AOC2: variants seen among roughly 807,000 people sequenced by gnomAD.
The protein encoded by AOC2 is amine oxidase [copper-containing] 2.
Under a neutral mutation model 53.8 loss-of-function variants are expected in AOC2, and 57 were observed. That is an observed-to-expected ratio of 1.06 (90% confidence interval 0.86 to 1.32). AOC2 has a LOEUF of 1.32. Ranked by LOEUF, AOC2 falls within the 40% of genes most tolerant of loss-of-function variation. The pLI, the probability that AOC2 is intolerant of heterozygous loss-of-function variation, is 0.00. For synonymous variants in AOC2, 404 were observed against 399.0 expected (o/e 1.01, Z -0.15); for missense variants, 1,008 against 957.2 (o/e 1.05, Z -0.70).
In AOC2 at chr17:42,845,810, G is replaced by C. The variant is rs140177429; in HGVS notation, c.1184G>C (p.Gly395Ala). 35 of 1,614,076 alleles carry C rather than the reference G, an allele frequency of 2.2e-5. No individual in the cohort carries two copies. Among genetic ancestry groups the C allele is most frequent in the Non-Finnish European group, 2.8e-5 (33 of 1,180,048 alleles). ...CGTAACAGCCGAGGCTTGGTGCGGG[G>C]AGTGGACTGCCCCTATCAAGCCACG... Reference protein sequence around the residue: ...LGRNSRGLVRGVDCPYQATMV... With the variant: ...LGRNSRGLVRAVDCPYQATMV... The change falls in exon 1 of 4, where the codon GGA becomes GCA. Residue 395 changes from glycine (G) to alanine (A), a missense_variant. Coordinates refer to ENST00000253799, the MANE Select transcript of AOC2 (RefSeq NM_009590.4).
Position 42,845,255 on chromosome 17 carries a change from G to A in AOC2, c.629G>A (p.Arg210Gln), listed in dbSNP as rs766890978. 1.4e-5 allele frequency: 23 copies of A among 1,613,982 alleles called. No homozygotes were observed. Among genetic ancestry groups the A allele is most frequent in the East Asian group, 2.2e-5 (1 of 44,884 alleles). Residue 210 changes from arginine to glutamine, a missense_variant, in exon 1 of 4, where the codon CGG (arginine) becomes CAG (glutamine). Coordinates refer to ENST00000253799, the MANE Select transcript of AOC2 (RefSeq NM_009590.4). ...CTGGCAGCTGTGCATGCCACCCCTC[G>A]GGGCTTGCGCTCAGGGGACCGAGCT... is the stretch of plus-strand genomic sequence containing the variant. Reference protein sequence around the residue: ...STLAAVHATPRGLRSGDRATW... With the variant: ...STLAAVHATPQGLRSGDRATW...
chr17:42,845,049 G>A lies in AOC2; in HGVS notation c.423G>A (p.Pro141=), dbSNP rs1288709510. The change falls in exon 1 of 4, where the codon CCG becomes CCA. Residue 141 remains proline, a synonymous_variant. Transcript: ENST00000253799. ...QPNVSELVVG[P]LPHPSYMRDV... ...ATGTGAGTGAGCTGGTGGTGGGGCC[G>A]CTGCCTCACCCCTCGTACATGCGGG... The A allele has an allele frequency of 6.8e-6, 11 of 1,613,934 alleles. No individual in the cohort carries two copies. Among genetic ancestry groups the A allele is most frequent in the Admixed American group, 3.3e-5 (2 of 60,024 alleles).
rs1390688404 is a variant in AOC2, at chr17:42,850,617, CTCTTTATGCATGTGCATTCAAAAGGAAGA to C, written c.*270_*298del. The C allele has an allele frequency of 8.3e-6, 3 of 362,252 alleles. No individual in the cohort carries two copies. Among genetic ancestry groups the C allele is most frequent in the East Asian group, 4.6e-5 (1 of 21,922 alleles). The allele number at this position is 362,252 out of a possible 1,614,324, so 22.4% of individuals were successfully genotyped here. On this transcript the variant is annotated 3_prime_UTR_variant, in exon 4 of 4. Transcript: ENST00000253799. ...TAGGTGGTCACATTACATCAGACAT[CTCTTTATGCATGTGCATTCAAAAGGAAGA>C]GTAGATAGAATTTTGTAAAACAGAT... is the stretch of plus-strand genomic sequence containing the variant.
In AOC2 at chr17:42,846,223, T is replaced by A; in HGVS notation, c.1588+9T>A. 6.8e-7 allele frequency: 1 copy of A among 1,461,616 alleles called. No individual in the cohort carries two copies. The highest frequency in any genetic ancestry group is 9.0e-7 in the Non-Finnish European group (1 of 1,106,838). The allele number at this position is 1,461,616 out of a possible 1,614,324, so 90.5% of individuals were successfully genotyped here. Reference sequence around the variant, plus strand: ...GGACCTGGATGTGGCAGGTGAGTGCTGAGGGGATGAGGATGGAGACTTGGG... The same window carrying A: ...GGACCTGGATGTGGCAGGTGAGTGCAGAGGGGATGAGGATGGAGACTTGGG... On this transcript the variant is annotated intron_variant, in intron 1 of 3. Transcript: ENST00000253799.
At position 42,845,071 on chromosome 17, in the gene AOC2, C is replaced by T. The variant is rs1489340926; in HGVS notation, c.445C>T (p.Arg149Trp). Residue 149 changes from arginine (R) to tryptophan (W), a missense_variant, in exon 1 of 4, where the codon CGG (arginine) becomes TGG (tryptophan). Arg to Trp is a moderately radical substitution (Grantham distance 101). Transcript: ENST00000253799. ...VGPLPHPSYM[R>W]DVTVERHGGP... ...GCCGCTGCCTCACCCCTCGTACATG[C>T]GGGATGTGACTGTGGAGCGTCACGG... 4.3e-6 allele frequency: 7 copies of T among 1,613,866 alleles called. 1 individual carries two copies. Among genetic ancestry groups the T allele is most frequent in the Non-Finnish European group, 5.9e-6 (7 of 1,179,984 alleles).
At position 42,849,189 on chromosome 17, in the gene AOC2, C is replaced by T; in HGVS notation, c.1692C>T (p.Val564=). ...AGCGCCCACAGCTGACTCGGCAGGT[C>T]CTGGGAAAGGAGGACCTGACAGCTT... ...WLQRPQLTRQ[V]LGKEDLTAFS... The change falls in exon 2 of 4, where the codon GTC becomes GTT. Residue 564 remains valine (V), a synonymous_variant. Transcript: ENST00000253799. 6.2e-7 allele frequency: 1 copy of T among 1,614,194 alleles called. No individual in the cohort carries two copies. Among genetic ancestry groups the T allele is most frequent in the South Asian group, 1.1e-5 (1 of 91,076 alleles).
rs1354434975 is a variant in AOC2 at position 42,850,191 on chromosome 17, ACTT to A, written c.2118_2120del (p.Phe707del). ...GTTGGCTTCTTGCTCCGACCCTATA[ACTT>A]CTTTGATGAGGACCCCTCCATCTTC... On this transcript the variant is annotated inframe_deletion, in exon 4 of 4. Transcript: ENST00000253799. 3 of 1,613,734 alleles carry A rather than the reference ACTT, an allele frequency of 1.9e-6. No homozygotes were observed. The highest frequency in any genetic ancestry group is 2.5e-6 in the Non-Finnish European group (3 of 1,179,962).
At chr17:42,848,006 G>A (rs974048235) in intron 1 of AOC2, among the ~76,000 whole-genome samples, 8 of 150,288 alleles carry the variant, frequency 5.3e-5, no homozygotes, top group Admixed American at 1.3e-4. Context: ...TTGAACTCCC[G>A]GTCTCAAGTG....
intron 1 of AOC2, 44 bp downstream of exon 1, chr17:42,846,258 A>G: frequency 2.9e-6 from 2 of 689,658 alleles, no homozygotes; most frequent in Non-Finnish European, 2.2e-6. Context: ...GGGCGGGGTC[A>G]GGTGGGGTGG....
intron 1 of AOC2, among the ~76,000 whole-genome samples, chr17:42,848,545 A>AT: frequency 7.4e-6 from 1 of 135,500 alleles, no homozygotes; most frequent in African/African-American, 3.2e-5. Flanking sequence ...ATATATATAT[A>AT]CATATATATA....
chr17:42,848,328 A>G (rs2055614296), intron 1 of AOC2, among the ~76,000 whole-genome samples: 1 of 151,466 alleles, frequency 6.6e-6, no homozygotes, highest in Non-Finnish European at 1.5e-5. Context: ...AACAGCTTTA[A>G]TTATGCCCAG....
chr17:42,847,067 G>A (rs993072300), intron 1 of AOC2, among the ~76,000 whole-genome samples: 18 of 152,372 alleles, frequency 1.2e-4, no homozygotes, highest in Admixed American at 4.6e-4. Context: ...GACATGGCAC[G>A]TGCGTGCCTG....
At position 42,849,372 on chromosome 17, in the gene AOC2, G is replaced by A; in HGVS notation, c.1874+1G>A. The A allele has an allele frequency of 6.2e-7, 1 of 1,610,470 alleles. No individual in the cohort carries two copies. The highest frequency in any genetic ancestry group is 8.5e-7 in the Non-Finnish European group (1 of 1,177,122). On this transcript the variant is annotated splice_donor_variant, in intron 2 of 3. Coordinates refer to ENST00000253799, the MANE Select transcript of AOC2 (RefSeq NM_009590.4). LOFTEE classifies it high-confidence loss of function. Reference sequence around the variant, plus strand: ...TGGAGAGGGCCCTCAGCTGGGGGAGGTGAGGAGGGCCCTGGCCTGGGTGGA... The same window carrying A: ...TGGAGAGGGCCCTCAGCTGGGGGAGATGAGGAGGGCCCTGGCCTGGGTGGA...
At position 42,846,958 on chromosome 17, in the gene AOC2, A is replaced by G. The variant is rs370596169; in HGVS notation, c.1588+744A>G. 5.3e-5 allele frequency among the ~76,000 whole-genome samples: 8 copies of G among 152,338 alleles called. No homozygotes were observed. In the South Asian group the frequency reaches 1.0e-3, roughly 20 times the overall value. On this transcript the variant is annotated intron_variant, in intron 1 of 3. Transcript: ENST00000253799. ...ACCCTCTCCATTTTAAGGGAAACTA[A>G]GGAGGGTGGCGGGAGATGGGACAGG...
In AOC2 at chr17:42,849,295, C is replaced by A. The variant is rs753929672; in HGVS notation, c.1798C>A (p.Arg600=). Residue 600 remains arginine (R), a synonymous_variant, in exon 2 of 4, where the codon CGA becomes AGA. Transcript: ENST00000253799. ...TGCGTGGGGTCACCAGCGCGGGTAC[C>A]GAATCCAGATCCACAGCCCCCTTGG... ...TNAWGHQRGY[R]IQIHSPLGIH... The A allele has an allele frequency of 6.2e-7, 1 of 1,614,166 alleles. No individual in the cohort carries two copies. The highest frequency in any genetic ancestry group is 1.3e-5 in the African/African-American group (1 of 75,042).
chr17:42,849,465 T>G, intron 2 of AOC2, 94 bp downstream of exon 2: 1 of 1,577,458 alleles, frequency 6.3e-7, no homozygotes. Context: ...CTACCATTCA[T>G]CCCTGTACCT....
At chr17:42,848,566 T>TATA (rs2055618360) in intron 1 of AOC2, among the ~76,000 whole-genome samples, 1 of 145,724 alleles carries the variant, frequency 6.9e-6, no homozygotes, top group African/African-American at 2.6e-5. Context: ...TATATATATA[T>TATA]TTTAGACAGA....
chr17:42,849,416 C>G (rs1362555777), intron 2 of AOC2, 45 bp downstream of exon 2: 2 of 1,595,214 alleles, frequency 1.3e-6, no homozygotes, highest in African/African-American at 1.3e-5. Flanking sequence ...ACAGCCCCTC[C>G]CCTGCCCCAG....
chr17:42,846,359 C>T, intron 1 of AOC2, 145 bp downstream of exon 1: 5 of 898,400 alleles, frequency 5.6e-6, no homozygotes, highest in Non-Finnish European at 8.1e-6. Context: ...GGCAACAGGG[C>T]AGGGACTGTT....
Sources: gnomAD v4.1 joint callset for allele counts (sites outside exome capture counted in the v4.1 genomes callset) on GRCh38, gnomAD v4.1.1 for gene constraint, MANE v1.5 for transcripts, NCBI Gene and HGNC (gene_info 2026-07-23, HGNC 2026-07-21) for gene names.